SEMA3A: variants seen among roughly 807,000 people sequenced by gnomAD.
SEMA3A encodes the protein semaphorin-3A.
SEMA3A carries 29 observed loss-of-function variants against 97.9 expected under a neutral mutation model. The ratio of observed to expected loss-of-function variants is 0.30; its 90% CI spans 0.22 to 0.40. SEMA3A has a LOEUF of 0.40. Among genes scored for constraint, SEMA3A ranks in the 10% least tolerant of loss-of-function variants. The pLI is 1.00. For synonymous variants in SEMA3A, 321 were observed against 323.7 expected (o/e 0.99, Z 0.09); for missense variants, 763 against 951.3 (o/e 0.80, Z 2.60).
At chr7:84,340,897 TA>T (rs1425615679) in intron 2 of SEMA3A, among the ~76,000 whole-genome samples, 1 of 152,172 alleles carries the variant, frequency 6.6e-6, no homozygotes, top group East Asian at 1.9e-4. Context: ...GATAGATTTA[TA>T]TTTTTGGAGA....
intron 15 of SEMA3A, among the ~76,000 whole-genome samples, chr7:83,975,587 T>C (rs1358288462): frequency 6.6e-6 from 1 of 152,164 alleles, no homozygotes; most frequent in Non-Finnish European, 1.5e-5. Context: ...CAAATATTTG[T>C]TATCTACAAT....
intron 15 of SEMA3A, 124 bp from the exon 16 acceptor site, chr7:83,963,471 G>A: frequency 2.0e-6 from 2 of 1,004,258 alleles, no homozygotes; most frequent in Non-Finnish European, 2.9e-6. Context: ...CACATTGATT[G>A]AGGATGACAG....
intron 1 of SEMA3A, among the ~76,000 whole-genome samples, chr7:84,145,111 A>T (rs530751695): frequency 1.3e-5 from 2 of 152,090 alleles, no homozygotes; most frequent in Non-Finnish European, 2.9e-5. Context: ...TATCTCCCCA[A>T]TGCTTTCCAT....
chr7:84,388,107 A>G (rs567162697), intron 1 of SEMA3A, among the ~76,000 whole-genome samples: 2 of 152,266 alleles, frequency 1.3e-5, no homozygotes, highest in South Asian at 2.1e-4. Flanking sequence ...CTATATAAAT[A>G]CACACACACA....
intron 1 of SEMA3A, among the ~76,000 whole-genome samples, chr7:84,475,245 T>C (rs1484950659): frequency 6.6e-6 from 1 of 151,486 alleles, no homozygotes; most frequent in Admixed American, 6.6e-5. Context: ...AGAGAGAGAG[T>C]CTGTTTTTGT....
intron 1 of SEMA3A, among the ~76,000 whole-genome samples, chr7:84,454,684 C>G (rs942524383): frequency 3.3e-5 from 5 of 151,812 alleles, no homozygotes; most frequent in Non-Finnish European, 7.4e-5. Flanking sequence ...GAAAAACACC[C>G]AAAATGAAAA....
At chr7:84,303,539 T>C (rs1801078369) in intron 3 of SEMA3A, among the ~76,000 whole-genome samples, 1 of 151,736 alleles carries the variant, frequency 6.6e-6, no homozygotes, top group Non-Finnish European at 1.5e-5. Context: ...ACATATTGAC[T>C]AGTCTTCATT....
intron 2 of SEMA3A, among the ~76,000 whole-genome samples, chr7:84,132,617 A>T (rs73378884): frequency 1.3e-5 from 2 of 150,666 alleles, no homozygotes; most frequent in African/African-American, 4.9e-5. Context: ...TAACTGATAA[A>T]ATTTCCTAAA....
rs781108685 is a variant in SEMA3A, at chr7:84,020,035, C to CTTTTTTTTTTTTTTTT, written c.668-5700_668-5685dup. Among the ~76,000 whole-genome samples, 8 of 58,250 alleles carry CTTTTTTTTTTTTTTTT rather than the reference C, an allele frequency of 1.4e-4. 1 individual carries two copies. Among genetic ancestry groups the CTTTTTTTTTTTTTTTT allele is most frequent in the Non-Finnish European group, 2.2e-4 (7 of 32,208 alleles). 38.2% of individuals were successfully genotyped at this position (58,250 alleles called of 152,430 possible). A position where few individuals can be genotyped will look rare whatever the true frequency, so the allele number is the denominator to read the frequency against. On this transcript the variant is annotated intron_variant, in intron 6 of 16. Transcript: ENST00000265362. ...AATATTGTTAATGATTTTTTTCTTT[C>CTTTTTTTTTTTTTTTT]TTTTTTTTTTTTTTTTTTTTTTTTT...
At chr7:84,022,295 T>G (rs1284712297) in intron 6 of SEMA3A, among the ~76,000 whole-genome samples, 1 of 152,082 alleles carries the variant, frequency 6.6e-6, no homozygotes, top group Non-Finnish European at 1.5e-5. Flanking sequence ...CCTAAGAAAG[T>G]TCATGATATT....
intron 3 of SEMA3A, among the ~76,000 whole-genome samples, chr7:84,210,992 G>A (rs1436492769): frequency 6.6e-6 from 1 of 152,062 alleles, no homozygotes; most frequent in Non-Finnish European, 1.5e-5. Flanking sequence ...ATCTGGAACA[G>A]AACAAAAACT....
At chr7:84,430,990 G>A (rs1352324057) in intron 1 of SEMA3A, among the ~76,000 whole-genome samples, 1 of 151,902 alleles carries the variant, frequency 6.6e-6, no homozygotes, top group East Asian at 1.9e-4. Flanking sequence ...TGTACACTCA[G>A]ATATAATAGA....
rs563361817 is a variant in SEMA3A, at chr7:84,444,465, A to T, written c.-246+47995T>A. On this transcript the variant is annotated intron_variant, in intron 1 of 3. Coordinates refer to the SEMA3A transcript ENST00000424555. ...CTTCAATTAGAGCACAAACAAATTA[A>T]TTTTTTTCTTTACAAATTAAATTAG... 2.1e-4 allele frequency among the ~76,000 whole-genome samples: 32 copies of T among 151,412 alleles called. 1 individual carries two copies. The South Asian group carries it at 6.5e-3, about 31-fold the overall frequency.
chr7:84,242,476 A>G (rs1799386554), intron 3 of SEMA3A, among the ~76,000 whole-genome samples: 2 of 152,182 alleles, frequency 1.3e-5, no homozygotes, highest in African/African-American at 2.4e-5. Flanking sequence ...CTGATTTTGT[A>G]TCCTGAGACT....
chr7:84,170,164 A>T (rs1277543410), intron 1 of SEMA3A, among the ~76,000 whole-genome samples: 1 of 151,972 alleles, frequency 6.6e-6, no homozygotes, highest in Non-Finnish European at 1.5e-5. Flanking sequence ...TGGAAGATGA[A>T]CACTGCCTGG....
chr7:84,391,616 G>A (rs1803580270), intron 1 of SEMA3A, among the ~76,000 whole-genome samples: 2 of 152,096 alleles, frequency 1.3e-5, no homozygotes, highest in Admixed American at 6.6e-5. Flanking sequence ...GGTAAGATAT[G>A]TGCTCTTAAT....
intron 4 of SEMA3A, among the ~76,000 whole-genome samples, chr7:84,108,150 C>T (rs1361591459): frequency 6.6e-6 from 1 of 152,034 alleles, no homozygotes; most frequent in East Asian, 1.9e-4. Context: ...CAATGTTTAA[C>T]TTTCACAACT....
chr7:84,045,411 T>C (rs1319310503), intron 6 of SEMA3A, among the ~76,000 whole-genome samples: 4 of 151,774 alleles, frequency 2.6e-5, no homozygotes, highest in South Asian at 4.1e-4. Context: ...TTTTTTAAGA[T>C]TGAAGGTAGG....
intron 3 of SEMA3A, among the ~76,000 whole-genome samples, chr7:84,277,322 A>G (rs1024862341): frequency 6.6e-6 from 1 of 152,072 alleles, no homozygotes; most frequent in Admixed American, 6.6e-5. Context: ...ATGTAATGAT[A>G]GATATAGATA....
Sources: gnomAD v4.1 joint callset for allele counts (sites outside exome capture counted in the v4.1 genomes callset) on GRCh38, gnomAD v4.1.1 for gene constraint, MANE v1.5 for transcripts, NCBI Gene and HGNC (gene_info 2026-07-23, HGNC 2026-07-21) for gene names.